Variants in ANK3 observed in about 807,000 individuals in gnomAD.
The protein encoded by ANK3 is ankyrin-3.
Under a neutral mutation model 370.9 loss-of-function variants are expected in ANK3, and 57 were observed. The observed-to-expected ratio is 0.15, with a 90% CI of 0.12 to 0.19. The LOEUF (loss-of-function observed/expected upper bound fraction) is 0.19, where lower values mean the gene tolerates loss of function less well. Ranked by LOEUF, ANK3 falls within the 10% of genes least tolerant of loss-of-function variation. The pLI, the probability that ANK3 is intolerant of heterozygous loss-of-function variation, is 1.00. For synonymous variants in ANK3, 1,929 were observed against 1,946.3 expected (o/e 0.99, Z 0.23); for missense variants, 4,439 against 5,302.1 (o/e 0.84, Z 5.06).
At chr10:60,331,954 ATCTTTTTT>A (rs2051442589) in intron 1 of ANK3, among the ~76,000 whole-genome samples, 1 of 149,890 alleles carries the variant, frequency 6.7e-6, no homozygotes, top group Non-Finnish European at 1.5e-5. Flanking sequence ...ATTAGGTAAC[ATCTTTTTT>A]TCTTTTTTTT....
chr10:60,254,588 A>G (rs2097710735), intron 7 of ANK3, among the ~76,000 whole-genome samples: 1 of 152,240 alleles, frequency 6.6e-6, no homozygotes, highest in Non-Finnish European at 1.5e-5. Context: ...TAGCCCAGTT[A>G]GCCTAGGCCT....
chr10:60,437,123 A>C (rs1480079045), intron 2 of ANK3, among the ~76,000 whole-genome samples: 4 of 152,212 alleles, frequency 2.6e-5, no homozygotes, highest in Non-Finnish European at 4.4e-5. Context: ...TTGTTTGGGC[A>C]TTACAAATTC....
chr10:60,444,533 G>T (rs955141177), intron 2 of ANK3, among the ~76,000 whole-genome samples: 3 of 151,536 alleles, frequency 2.0e-5, no homozygotes, highest in African/African-American at 7.3e-5. Flanking sequence ...AAAAGTAAAT[G>T]TTTTCCATTC....
At chr10:60,486,004 GGTGCTTGAGAGCCTACT>G (rs2075338009) in intron 2 of ANK3, among the ~76,000 whole-genome samples, 1 of 152,040 alleles carries the variant, frequency 6.6e-6, no homozygotes, top group African/African-American at 2.4e-5. Flanking sequence ...ACAGGAAAGG[GGTGCTTGAGAGCCTACT>G]CAAAGAAAAA....
At chr10:60,167,506 C>G (rs775991656) in intron 21 of ANK3, among the ~76,000 whole-genome samples, 1 of 151,614 alleles carries the variant, frequency 6.6e-6, no homozygotes. Flanking sequence ...TGCCTACTGC[C>G]TCTTTTACTT....
At chr10:60,486,321 G>C (rs867029225) in intron 2 of ANK3, among the ~76,000 whole-genome samples, 1 of 152,220 alleles carries the variant, frequency 6.6e-6, no homozygotes, top group Admixed American at 6.5e-5. Context: ...GCTCATGCCT[G>C]TAATCCCAGC....
At position 60,196,205 on chromosome 10, in the gene ANK3, A is replaced by T. The variant is rs2096583086; in HGVS notation, c.1827T>A (p.Asp609Glu). ...LTPLHVAAHY[D>E]NQKVALLLLD... Reference sequence around the variant, plus strand: ...AAAGCAGAAGGGCCACTTTCTGATTATCGTAATGTGCAGCTACATGCAGTG... The same window carrying T: ...AAAGCAGAAGGGCCACTTTCTGATTTTCGTAATGTGCAGCTACATGCAGTG... Residue 609 changes from aspartate to glutamate, a missense_variant, in exon 16 of 44, where the codon GAT becomes GAA. This residue lies in a region of ANK3 where 192 missense variants were observed against 192.1 expected (regional missense o/e 1.00). Coordinates refer to ENST00000280772, the MANE Select transcript of ANK3 (RefSeq NM_020987.5). 1.2e-6 allele frequency: 2 copies of T among 1,614,080 alleles called. No homozygotes were observed. Among genetic ancestry groups the T allele is most frequent in the Non-Finnish European group, 1.7e-6 (2 of 1,179,948 alleles).
chr10:60,439,926 T>C (rs2064255530), intron 2 of ANK3, among the ~76,000 whole-genome samples: 1 of 152,206 alleles, frequency 6.6e-6, no homozygotes, highest in South Asian at 2.1e-4. Flanking sequence ...AAACCAAGTG[T>C]AGCACATTTC....
chr10:60,692,630 C>A (rs1013488620), intron 1 of ANK3, among the ~76,000 whole-genome samples: 8 of 152,136 alleles, frequency 5.3e-5, no homozygotes, highest in Admixed American at 5.2e-4. Context: ...GTATAACAAC[C>A]ACTGGGACTC....
At chr10:60,444,685 T>G (rs1266285856) in intron 2 of ANK3, among the ~76,000 whole-genome samples, 3 of 152,130 alleles carry the variant, frequency 2.0e-5, no homozygotes, top group African/African-American at 7.2e-5. Flanking sequence ...GAGGGAGTGG[T>G]TGATCTTTTT....
intron 12 of ANK3, among the ~76,000 whole-genome samples, chr10:60,202,634 T>C (rs1049507634): frequency 2.0e-5 from 3 of 152,174 alleles, no homozygotes; most frequent in African/African-American, 7.2e-5. Flanking sequence ...AGGCCGGGCA[T>C]GGTGGCTCAT....
intron 2 of ANK3, among the ~76,000 whole-genome samples, chr10:60,608,638 C>T (rs901775534): frequency 4.6e-5 from 7 of 152,166 alleles, no homozygotes; most frequent in Admixed American, 4.6e-4. Flanking sequence ...AACAAATACA[C>T]ATGCACAATG....
intron 2 of ANK3, among the ~76,000 whole-genome samples, chr10:60,541,799 A>G (rs2076855248): frequency 6.6e-6 from 1 of 151,940 alleles, no homozygotes; most frequent in Admixed American, 6.6e-5. Flanking sequence ...GGCTTTTCCC[A>G]AAAAGCTAAA....
chr10:60,698,239 A>C lies in ANK3; in HGVS notation c.57+35024T>G, dbSNP rs1329960149. On this transcript the variant is annotated intron_variant, in intron 1 of 43. Coordinates refer to the ANK3 transcript ENST00000373827. ...ACCAGTTAGAATGGCAATCATTAAAAAGTCAGGAAACAACAGGTGCTGGAG... is the reference window on the plus strand; with the variant it reads ...ACCAGTTAGAATGGCAATCATTAAACAGTCAGGAAACAACAGGTGCTGGAG... Among the ~76,000 whole-genome samples the C allele has an allele frequency of 6.0e-5, 9 of 150,768 alleles. No individual in the cohort carries two copies. In the South Asian group the frequency reaches 6.3e-4, roughly 11 times the overall value.
intron 2 of ANK3, among the ~76,000 whole-genome samples, chr10:60,546,913 T>C (rs1028014798): frequency 6.6e-6 from 1 of 152,062 alleles, no homozygotes; most frequent in Non-Finnish European, 1.5e-5. Context: ...AGGTAGATAA[T>C]ATTAACCTCA....
chr10:60,532,754 T>C (rs563694089), intron 2 of ANK3, among the ~76,000 whole-genome samples: 2 of 152,206 alleles, frequency 1.3e-5, no homozygotes, highest in Non-Finnish European at 2.9e-5. Flanking sequence ...TTTTCAAGCA[T>C]GCTGACAAAT....
chr10:60,075,566 G>C lies in ANK3; in HGVS notation c.5315C>G (p.Ala1772Gly). The C allele has an allele frequency of 6.2e-7, 1 of 1,614,044 alleles. No individual in the cohort carries two copies. The highest frequency in any genetic ancestry group is 8.5e-7 in the Non-Finnish European group (1 of 1,180,002). ...TVEKVFSTTT[A>G]MPFSPLRSYV... ...TGACCTGAGTGGGGAAAATGGCATT[G>C]CAGTCGTGGTAGAAAACACTTTCTC... The change falls in exon 37 of 44, where the codon GCA becomes GGA. Residue 1772 changes from alanine (A) to glycine (G), a missense_variant. Around this residue, in one of 13 missense-constraint regions of ANK3, gnomAD observed 679 missense variants for 791.0 expected, o/e 0.86. Coordinates refer to ENST00000280772, the MANE Select transcript of ANK3 (RefSeq NM_020987.5).
intron 2 of ANK3, among the ~76,000 whole-genome samples, chr10:60,611,103 C>T (rs1190323064): frequency 6.6e-6 from 1 of 152,120 alleles, no homozygotes; most frequent in Non-Finnish European, 1.5e-5. Context: ...CTTCCATATG[C>T]AAATATTTGC....
At chr10:60,041,883 T>C (rs2076152430) in intron 43 of ANK3, among the ~76,000 whole-genome samples, 1 of 152,174 alleles carries the variant, frequency 6.6e-6, no homozygotes, top group South Asian at 2.1e-4. Context: ...AGCAGATGCA[T>C]GAAAATGAAA....
Sources: allele counts gnomAD v4.1 joint callset (sites outside exome capture counted in the v4.1 genomes callset), GRCh38; gene constraint gnomAD v4.1.1; regional missense constraint gnomAD v4.1.1; transcripts MANE v1.5; gene names NCBI Gene and HGNC (gene_info 2026-07-23, HGNC 2026-07-21).